SEPTIN14: variants seen among roughly 807,000 people sequenced by gnomAD.
The protein encoded by SEPTIN14 is septin-14.
Under a neutral mutation model 53.6 loss-of-function variants are expected in SEPTIN14, and 40 were observed. That is an observed-to-expected ratio of 0.75 (90% confidence interval 0.58 to 0.97). The LOEUF is 0.97. SEPTIN14 is among the 50% of genes least tolerant of loss of function. SEPTIN14 has a pLI of 0.00. For missense variants in SEPTIN14, 471 were observed against 508.2 expected (o/e 0.93, Z 0.70); for synonymous variants, 138 against 166.8 (o/e 0.83, Z 1.33).
At chr7:55,815,143 C>A (rs2115983096) in intron 7 of SEPTIN14, among the ~76,000 whole-genome samples, 1 of 152,196 alleles carries the variant, frequency 6.6e-6, no homozygotes, top group East Asian at 1.9e-4. Context: ...AAAATCAAAT[C>A]AAAATGGATT....
In SEPTIN14 at chr7:55,794,573, T is replaced by C. The variant is rs1788394398; in HGVS notation, c.*1340A>G. ...GAGTTTCCATTAAAAGATCATTTAG[T>C]AAAATTTTTCTTCCCCCAAATTATA... On this transcript the variant is annotated 3_prime_UTR_variant, in exon 10 of 10. Coordinates refer to ENST00000388975, the MANE Select transcript of SEPTIN14 (RefSeq NM_207366.3). 6.6e-6 allele frequency: 1 copy of C among 152,178 alleles called. No homozygotes were observed. The highest frequency in any genetic ancestry group is 2.4e-5 in the African/African-American group (1 of 41,440). The allele number at this position is 152,178 out of a possible 1,614,324, so 9.4% of individuals were successfully genotyped here. A position where few individuals can be genotyped will look rare whatever the true frequency, so the allele number is the denominator to read the frequency against.
chr7:55,796,906 C>A (rs1253315174), intron 9 of SEPTIN14, among the ~76,000 whole-genome samples: 2 of 151,934 alleles, frequency 1.3e-5, no homozygotes, highest in Non-Finnish European at 2.9e-5. Flanking sequence ...AGGCAGATCA[C>A]AAGGTCAGGA....
intron 3 of SEPTIN14, among the ~76,000 whole-genome samples, chr7:55,846,064 A>ATATATATATATAT (rs1562718590): frequency 1.4e-4 from 1 of 7,384 alleles, no homozygotes; most frequent in African/African-American, 2.9e-4. Flanking sequence ...AAAAAAAAAA[A>ATATATATATATAT]GTATATATAT....
At chr7:55,858,357 A>G (rs937017198) in intron 2 of SEPTIN14, among the ~76,000 whole-genome samples, 1 of 152,226 alleles carries the variant, frequency 6.6e-6, no homozygotes, top group Non-Finnish European at 1.5e-5. Context: ...GTCAAGATAC[A>G]TATTCTTTGC....
chr7:55,807,808 G>T (rs1034313744), intron 7 of SEPTIN14, among the ~76,000 whole-genome samples: 2 of 151,950 alleles, frequency 1.3e-5, no homozygotes, highest in Non-Finnish European at 2.9e-5. Flanking sequence ...GTGAAGACAC[G>T]GAAAGATATT....
Position 55,834,698 on chromosome 7 carries a change from A to G in SEPTIN14, c.559-112T>C, listed in dbSNP as rs1166405884. 7.8e-6 allele frequency: 6 copies of G among 766,470 alleles called. 1 individual carries two copies. In the South Asian group the frequency reaches 9.6e-5, roughly 12 times the overall value. The allele number at this position is 766,470 out of a possible 1,614,324, so 47.5% of individuals were successfully genotyped here. ...CGCTTTGTCGCCCAGGCTGGAGTGCAGGGGCACGATCTCGGCTCACTGCAA... is the reference window on the plus strand; with the variant it reads ...CGCTTTGTCGCCCAGGCTGGAGTGCGGGGGCACGATCTCGGCTCACTGCAA... On this transcript the variant is annotated intron_variant, in intron 5 of 9. Coordinates refer to ENST00000388975, the MANE Select transcript of SEPTIN14 (RefSeq NM_207366.3).
At chr7:55,799,290 G>C (rs1443461366) in intron 9 of SEPTIN14, among the ~76,000 whole-genome samples, 2 of 150,960 alleles carry the variant, frequency 1.3e-5, no homozygotes, top group African/African-American at 2.4e-5. Context: ...TGGATCACTT[G>C]AGGTCAGGAG....
intron 9 of SEPTIN14, among the ~76,000 whole-genome samples, chr7:55,801,369 C>T (rs929088274): frequency 1.3e-5 from 2 of 151,758 alleles, no homozygotes; most frequent in African/African-American, 4.8e-5. Flanking sequence ...ACCACTGACA[C>T]CAAAGAAATA....
At chr7:55,851,826 G>A (rs1789519677) in intron 2 of SEPTIN14, among the ~76,000 whole-genome samples, 1 of 152,064 alleles carries the variant, frequency 6.6e-6, no homozygotes, top group Admixed American at 6.6e-5. Flanking sequence ...GGCTAACACG[G>A]TGAAACCCTG....
chr7:55,826,773 G>A (rs1341616753), intron 6 of SEPTIN14, among the ~76,000 whole-genome samples: 1 of 150,702 alleles, frequency 6.6e-6, no homozygotes, highest in Admixed American at 6.6e-5. Context: ...CTCCAGCCTG[G>A]GCAACAAGAG....
chr7:55,828,906 T>C (rs1562712766), intron 6 of SEPTIN14, among the ~76,000 whole-genome samples: 1 of 152,102 alleles, frequency 6.6e-6, no homozygotes, highest in Non-Finnish European at 1.5e-5. Flanking sequence ...CCCTCAAATA[T>C]GTTTCCAATC....
intron 7 of SEPTIN14, among the ~76,000 whole-genome samples, chr7:55,816,550 AT>A (rs1486467936): frequency 2.6e-5 from 4 of 151,614 alleles, no homozygotes. Flanking sequence ...TAATCCTAGC[AT>A]TTTGGGAGGC....
intron 5 of SEPTIN14, among the ~76,000 whole-genome samples, chr7:55,835,386 T>C (rs928238863): frequency 6.6e-6 from 1 of 151,760 alleles, no homozygotes; most frequent in Non-Finnish European, 1.5e-5. Flanking sequence ...GTATTTTTAG[T>C]AGAGACGGGG....
At chr7:55,801,998 C>CT (rs769073126) in intron 9 of SEPTIN14, among the ~76,000 whole-genome samples, 2,385 of 139,486 alleles carry the variant, frequency 0.017, 54 homozygotes, top group African/African-American at 0.051. Context: ...AGTATGGTTT[C>CT]TTTTTTTTTT....
At chr7:55,815,165 T>C (rs1788771324) in intron 7 of SEPTIN14, among the ~76,000 whole-genome samples, 1 of 152,222 alleles carries the variant, frequency 6.6e-6, no homozygotes, top group Non-Finnish European at 1.5e-5. Flanking sequence ...AAGACTTAAA[T>C]CTAAGACCTC....
intron 7 of SEPTIN14, among the ~76,000 whole-genome samples, chr7:55,817,383 A>T (rs528593589): frequency 6.6e-6 from 1 of 152,152 alleles, no homozygotes; most frequent in East Asian, 1.9e-4. Context: ...TGGTCAAAGG[A>T]TACAAAATTT....
chr7:55,810,925 C>T (rs1362112198), intron 7 of SEPTIN14: 6 of 374,026 alleles, frequency 1.6e-5, no homozygotes, highest in Non-Finnish European at 3.2e-5. Context: ...ACAGTGATAG[C>T]ACAGCTTGAC....
intron 5 of SEPTIN14, among the ~76,000 whole-genome samples, chr7:55,841,045 G>T (rs1364630117): frequency 1.3e-5 from 2 of 152,006 alleles, no homozygotes; most frequent in African/African-American, 4.8e-5. Context: ...GATTACAGGC[G>T]CCTGCTACAA....
At chr7:55,840,485 G>A (rs1028511130) in intron 5 of SEPTIN14, among the ~76,000 whole-genome samples, 11 of 151,474 alleles carry the variant, frequency 7.3e-5, no homozygotes, top group Non-Finnish European at 8.8e-5. Flanking sequence ...GCGAAACTCC[G>A]TCTCGAAAAA....
Sources: allele counts gnomAD v4.1 joint callset (sites outside exome capture counted in the v4.1 genomes callset), GRCh38; gene constraint gnomAD v4.1.1; transcripts MANE v1.5; gene names NCBI Gene and HGNC (gene_info 2026-07-23, HGNC 2026-07-21).